Variants in PGM2L1 observed in about 807,000 individuals in gnomAD.
PGM2L1 encodes the protein glucose 1,6-bisphosphate synthase.
In PGM2L1, 35 loss-of-function variants were observed where a neutral mutation model predicts 73.4. That is an observed-to-expected ratio of 0.48 (90% CI 0.36 to 0.63). The LOEUF (loss-of-function observed/expected upper bound fraction) is 0.63. PGM2L1 is among the 30% of genes least tolerant of loss of function. PGM2L1 has a pLI of 0.00. For missense variants in PGM2L1, 570 were observed against 742.0 expected (o/e 0.77, Z 2.69); for synonymous variants, 225 against 253.8 (o/e 0.89, Z 1.08).
chr11:74,345,693 T>C (rs1180157575), intron 8 of PGM2L1, 44 bp from the exon 9 acceptor site: 1 of 1,548,784 alleles, frequency 6.5e-7, no homozygotes, highest in Non-Finnish European at 8.8e-7. Flanking sequence ...TTTCTTCTCA[T>C]TAAAACTTCT....
intron 5 of PGM2L1, 64 bp from the exon 6 acceptor site, chr11:74,351,640 A>C (rs1185223308): frequency 1.5e-6 from 2 of 1,378,350 alleles, no homozygotes; most frequent in East Asian, 4.7e-5. Context: ...TCTTGTCTAT[A>C]GTTGAGATCT....
chr11:74,385,875 T>C (rs1863011096), intron 1 of PGM2L1, among the ~76,000 whole-genome samples: 2 of 152,170 alleles, frequency 1.3e-5, no homozygotes, highest in Non-Finnish European at 2.9e-5. Flanking sequence ...GTTAAATATC[T>C]CTGTATCATG....
At chr11:74,347,412 C>G in intron 6 of PGM2L1, 75 bp from the exon 7 acceptor site, 1 of 1,223,046 alleles carries the variant, frequency 8.2e-7, no homozygotes, top group Admixed American at 2.8e-5. Flanking sequence ...CAATCAAATT[C>G]TGATTTGAAA....
At chr11:74,378,163 A>G (rs1292917853) in intron 1 of PGM2L1, among the ~76,000 whole-genome samples, 1 of 152,084 alleles carries the variant, frequency 6.6e-6, no homozygotes, top group East Asian at 1.9e-4. Flanking sequence ...TTAGCTGGGC[A>G]TGGTAGCATG....
At chr11:74,376,708 G>A (rs931402223) in intron 1 of PGM2L1, among the ~76,000 whole-genome samples, 20 of 152,022 alleles carry the variant, frequency 1.3e-4, no homozygotes, top group Non-Finnish European at 2.2e-4. Context: ...AGCTACTAGA[G>A]TAGGGCCTAA....
At chr11:74,355,960 T>A (rs2134904980) in intron 5 of PGM2L1, among the ~76,000 whole-genome samples, 1 of 152,320 alleles carries the variant, frequency 6.6e-6, no homozygotes, top group African/African-American at 2.4e-5. Context: ...GTGCAAAGCA[T>A]TCCAACAAAG....
chr11:74,362,707 A>C (rs777786592), intron 5 of PGM2L1, among the ~76,000 whole-genome samples: 11 of 152,212 alleles, frequency 7.2e-5, no homozygotes, highest in Non-Finnish European at 1.5e-4. Context: ...AGATCTACCA[A>C]GCAAATGGAA....
chr11:74,346,733 T>C lies in PGM2L1; in HGVS notation c.1036A>G (p.Asn346Asp), dbSNP rs1350342521. 6.2e-7 allele frequency: 1 copy of C among 1,611,342 alleles called. No homozygotes were observed. Among genetic ancestry groups the C allele is most frequent in the Admixed American group, 1.7e-5 (1 of 60,026 alleles). ...AATCAAATAACAGATTCTACATACT[T>C]CTCCTGAAGTTCTGCTGCTGCCAGT... Reference protein sequence around the residue: ...DRLAAAELQENGCWKVFTGNE... With the variant: ...DRLAAAELQEDGCWKVFTGNE... Residue 346 changes from asparagine (N) to aspartate (D), a missense_variant and splice_region_variant, in exon 8 of 14, where the codon AAT becomes GAT. Transcript: ENST00000298198.
intron 1 of PGM2L1, among the ~76,000 whole-genome samples, 188 bp from the exon 2 acceptor site, chr11:74,374,770 T>A (rs1862832262): frequency 1.3e-5 from 2 of 152,354 alleles, no homozygotes; most frequent in African/African-American, 4.8e-5. Context: ...AGAAAGGGCC[T>A]GTTGAGGGTG....
chr11:74,347,064 T>A (rs1201259247), intron 7 of PGM2L1, 84 bp downstream of exon 7: 7 of 1,171,394 alleles, frequency 6.0e-6, no homozygotes, highest in African/African-American at 1.6e-5. Context: ...TCTGCTTTTG[T>A]AAGTAATCTT....
chr11:74,348,395 C>T (rs1259333504), intron 6 of PGM2L1, among the ~76,000 whole-genome samples: 1 of 152,104 alleles, frequency 6.6e-6, no homozygotes, highest in Non-Finnish European at 1.5e-5. Context: ...ATATCTAACA[C>T]CATATACCCA....
chr11:74,375,219 A>T (rs978757523), intron 1 of PGM2L1, among the ~76,000 whole-genome samples: 20 of 152,250 alleles, frequency 1.3e-4, no homozygotes, highest in African/African-American at 4.3e-4. Flanking sequence ...AATTTAATTA[A>T]GAATGAGAAT....
chr11:74,398,060 G>A lies in PGM2L1; in HGVS notation c.102C>T (p.Arg34=), dbSNP rs1271177186. 6.2e-7 allele frequency: 1 copy of A among 1,608,876 alleles called. No homozygotes were observed. Among genetic ancestry groups the A allele is most frequent in the African/African-American group, 1.3e-5 (1 of 74,876 alleles). ...QLDTAIGQWL[R]WDKNPKTKEQ... is the part of the protein sequence containing the mutation. ...CTGACCAGGTACCCACCTTATCCCA[G>A]CGGAGCCACTGCCCGATGGCCGTGT... Residue 34 remains arginine, a synonymous_variant, in exon 1 of 14, where the codon CGC becomes CGT. Coordinates refer to ENST00000298198, the MANE Select transcript of PGM2L1 (RefSeq NM_173582.6).
In PGM2L1 at chr11:74,367,753, A is replaced by G. The variant is rs533729082; in HGVS notation, c.555+739T>C. 2.0e-5 allele frequency among the ~76,000 whole-genome samples: 3 copies of G among 152,332 alleles called. No individual in the cohort carries two copies. In the South Asian group the frequency reaches 6.2e-4, roughly 32 times the overall value. On this transcript the variant is annotated intron_variant, in intron 5 of 13. Coordinates refer to ENST00000298198, the MANE Select transcript of PGM2L1 (RefSeq NM_173582.6). ...CCTATAGGACATTGCTACCTGGTTG[A>G]CCCAAACACCTTGAACTTAATATGT...
intron 1 of PGM2L1, among the ~76,000 whole-genome samples, chr11:74,390,122 A>G (rs1429434281): frequency 6.8e-6 from 1 of 147,820 alleles, no homozygotes; most frequent in African/African-American, 2.5e-5. Context: ...CCGTCTCAAA[A>G]AAAAAAAAAG....
At chr11:74,338,719 C>A in intron 12 of PGM2L1, 118 bp from the exon 13 acceptor site, 1 of 1,263,296 alleles carries the variant, frequency 7.9e-7, no homozygotes, top group South Asian at 1.9e-5. Context: ...GTCAAATTTA[C>A]AGAAATAGAA....
chr11:74,344,409 C>T (rs1862231550), intron 9 of PGM2L1, among the ~76,000 whole-genome samples: 1 of 152,112 alleles, frequency 6.6e-6, no homozygotes, highest in African/African-American at 2.4e-5. Flanking sequence ...AAGACAGTTA[C>T]TAACTACTTC....
chr11:74,355,829 C>T, intron 5 of PGM2L1: 1 of 446,184 alleles, frequency 2.2e-6, no homozygotes, highest in Admixed American at 2.4e-5. Context: ...ACAGTGGTGG[C>T]AGGGCCTAGC....
intron 1 of PGM2L1, among the ~76,000 whole-genome samples, chr11:74,391,144 C>T (rs868431432): frequency 6.6e-6 from 1 of 151,748 alleles, no homozygotes; most frequent in Non-Finnish European, 1.5e-5. Flanking sequence ...TATTTGGGTC[C>T]TTCATTCTTT....
Sources: allele counts gnomAD v4.1 joint callset (sites outside exome capture counted in the v4.1 genomes callset), GRCh38; gene constraint gnomAD v4.1.1; transcripts MANE v1.5; gene names NCBI Gene and HGNC (gene_info 2026-07-23, HGNC 2026-07-21).